Variants in TDRD3 observed in about 807,000 individuals in gnomAD.
The protein encoded by TDRD3 is tudor domain-containing protein 3.
Under a neutral mutation model 86.7 loss-of-function variants are expected in TDRD3, and 45 were observed. That is an observed-to-expected ratio of 0.52 (90% confidence interval 0.41 to 0.67). TDRD3 has a LOEUF of 0.67. Ranked by LOEUF, TDRD3 falls within the 30% of genes least tolerant of loss-of-function variation. The pLI is 0.00. For missense variants in TDRD3, 814 were observed against 889.0 expected (o/e 0.92, Z 1.07); for synonymous variants, 298 against 301.7 (o/e 0.99, Z 0.13).
chr13:60,405,923 G>T (rs1594893757), intron 1 of TDRD3, among the ~76,000 whole-genome samples: 1 of 152,264 alleles, frequency 6.6e-6, no homozygotes, highest in Admixed American at 6.5e-5. Flanking sequence ...GAAGGTAAAT[G>T]GACAGGACTT....
chr13:60,439,033 T>C (rs1955189297), intron 1 of TDRD3, among the ~76,000 whole-genome samples: 2 of 152,150 alleles, frequency 1.3e-5, no homozygotes, highest in South Asian at 4.1e-4. Context: ...CTCTTTACTC[T>C]TGAATTAATT....
chr13:60,539,229 C>G (rs753846965), intron 12 of TDRD3, among the ~76,000 whole-genome samples: 13 of 152,032 alleles, frequency 8.6e-5, no homozygotes, highest in Admixed American at 2.0e-4. Context: ...TCTTAGTTGT[C>G]GGGCACTGTT....
At chr13:60,451,457 C>T (rs536620913) in intron 3 of TDRD3, among the ~76,000 whole-genome samples, 8 of 152,230 alleles carry the variant, frequency 5.3e-5, no homozygotes, top group Non-Finnish European at 8.8e-5. Context: ...AGTTCATTGT[C>T]GGCATCTTTT....
intron 12 of TDRD3, among the ~76,000 whole-genome samples, chr13:60,563,643 C>T (rs17793480): frequency 0.12 from 18,167 of 152,206 alleles, 1,395 homozygotes; most frequent in South Asian, 0.26. Flanking sequence ...TGCCCCCAGC[C>T]GAGGCAGATA....
intron 5 of TDRD3, among the ~76,000 whole-genome samples, chr13:60,470,286 T>G (rs1013517077): frequency 2.0e-5 from 3 of 152,218 alleles, no homozygotes; most frequent in Admixed American, 2.0e-4. Flanking sequence ...CAATGGACAT[T>G]AGGGTTGTTT....
At chr13:60,526,182 A>G (rs1595070113) in intron 10 of TDRD3, among the ~76,000 whole-genome samples, 1 of 152,276 alleles carries the variant, frequency 6.6e-6, no homozygotes, top group East Asian at 1.9e-4. Context: ...ATTCTTCCCT[A>G]AACAGCAGAT....
rs7322036 is a variant in TDRD3, at chr13:60,520,518, C to T, written c.1142-7849C>T. Among the ~76,000 whole-genome samples, 730 of 152,270 alleles carry T rather than the reference C, an allele frequency of 4.8e-3. 3 individuals carry two copies. The highest frequency in any genetic ancestry group is 0.016 in the African/African-American group (680 of 41,546). ...CACCTAAACCCCATTTCTCCACAGA[C>T]GTTTTCCCTCTACATTGCTGTACTC... On this transcript the variant is annotated intron_variant, in intron 10 of 13. Transcript: ENST00000377881.
At chr13:60,463,782 TACAATGAG>T (rs1186492284) in intron 4 of TDRD3, among the ~76,000 whole-genome samples, 1 of 152,172 alleles carries the variant, frequency 6.6e-6, no homozygotes, top group Non-Finnish European at 1.5e-5. Context: ...TCACTAAAAC[TACAATGAG>T]AGATCATCTC....
chr13:60,531,340 T>C (rs1957579037), intron 11 of TDRD3, among the ~76,000 whole-genome samples: 1 of 152,208 alleles, frequency 6.6e-6, no homozygotes, highest in South Asian at 2.1e-4. Context: ...GGGAGATTCA[T>C]TATATTTAGA....
chr13:60,515,180 G>A (rs984977878), intron 10 of TDRD3, among the ~76,000 whole-genome samples: 1 of 152,186 alleles, frequency 6.6e-6, no homozygotes, highest in Non-Finnish European at 1.5e-5. Flanking sequence ...AATCAGATTT[G>A]ATCTGGTATA....
At chr13:60,561,960 A>G (rs990092135) in intron 12 of TDRD3, among the ~76,000 whole-genome samples, 1 of 152,070 alleles carries the variant, frequency 6.6e-6, no homozygotes, top group Non-Finnish European at 1.5e-5. Context: ...AAAGTTCAGT[A>G]TTGATAATAA....
intron 13 of TDRD3, 56 bp downstream of exon 13, chr13:60,567,706 A>AAT: frequency 6.3e-7 from 1 of 1,594,376 alleles, no homozygotes; most frequent in South Asian, 1.1e-5. Flanking sequence ...ATTCATGTTA[A>AAT]GCATATAAGT....
chr13:60,446,675 G>T (rs1349460298), intron 3 of TDRD3, among the ~76,000 whole-genome samples: 1 of 151,952 alleles, frequency 6.6e-6, no homozygotes, highest in Non-Finnish European at 1.5e-5. Context: ...TACTCATTTG[G>T]TTTGTCTTTA....
chr13:60,465,793 T>A (rs923042705), intron 4 of TDRD3, among the ~76,000 whole-genome samples: 2 of 152,206 alleles, frequency 1.3e-5, no homozygotes, highest in African/African-American at 4.8e-5. Flanking sequence ...TTTTAAGATG[T>A]GAACAATGCA....
chr13:60,559,243 G>A (rs1958278278), intron 12 of TDRD3, among the ~76,000 whole-genome samples: 1 of 152,144 alleles, frequency 6.6e-6, no homozygotes, highest in Non-Finnish European at 1.5e-5. Flanking sequence ...AGAAAACGAA[G>A]ATGTAGAAAA....
At chr13:60,504,948 C>A (rs1482823805) in intron 8 of TDRD3, among the ~76,000 whole-genome samples, 1 of 152,214 alleles carries the variant, frequency 6.6e-6, no homozygotes, top group Non-Finnish European at 1.5e-5. Context: ...AACCTGCACA[C>A]CAGGAGATTC....
intron 8 of TDRD3, among the ~76,000 whole-genome samples, chr13:60,497,550 C>G (rs1162535478): frequency 6.6e-6 from 1 of 152,194 alleles, no homozygotes; most frequent in African/African-American, 2.4e-5. Flanking sequence ...TCCTGTCTTT[C>G]ATTATCTCCT....
At chr13:60,519,317 A>G (rs1357655079) in intron 10 of TDRD3, among the ~76,000 whole-genome samples, 1 of 152,318 alleles carries the variant, frequency 6.6e-6, no homozygotes, top group South Asian at 2.1e-4. Flanking sequence ...CAAAATATAT[A>G]TTATTTCCGT....
At chr13:60,529,553 T>C (rs891329261) in intron 11 of TDRD3, among the ~76,000 whole-genome samples, 26 of 152,092 alleles carry the variant, frequency 1.7e-4, no homozygotes, top group African/African-American at 6.0e-4. Flanking sequence ...TCTGGTAAAA[T>C]TACACTGATT....
Sources: gnomAD v4.1 joint callset for allele counts (sites outside exome capture counted in the v4.1 genomes callset) on GRCh38, gnomAD v4.1.1 for gene constraint, MANE v1.5 for transcripts, NCBI Gene and HGNC (gene_info 2026-07-23, HGNC 2026-07-21) for gene names.